Variants in WDR83 observed in about 807,000 individuals in gnomAD.
The protein encoded by WDR83 is WD repeat domain 83.
In WDR83, 37 loss-of-function variants were observed where a neutral mutation model predicts 37.7. The ratio of observed to expected loss-of-function variants is 0.98; its 90% CI spans 0.76 to 1.29. The LOEUF is 1.29. Ranked by LOEUF, WDR83 falls within the 50% of genes most tolerant of loss-of-function variation. The probability of loss-of-function intolerance (pLI) is 0.00; values close to 1 mark genes in which losing one functional copy is unlikely to be tolerated. For missense variants in WDR83, 445 were observed against 414.4 expected, an observed-to-expected ratio of 1.07 and a Z score of -0.64; for synonymous variants, 174 against 181.1, an observed-to-expected ratio of 0.96 and a Z score of 0.31.
chr19:12,673,352 C>T (rs752652712), intron 10 of WDR83, 36 bp downstream of exon 10: 1 of 1,529,116 alleles, frequency 6.5e-7, no homozygotes, highest in East Asian at 2.3e-5. Context: ...TACCTAGATG[C>T]CTGCCCCATC....
chr19:12,668,244 G>A, intron 1 of WDR83: 10 of 1,114,670 alleles, frequency 9.0e-6, no homozygotes, highest in Admixed American at 6.8e-5. Context: ...TGGGGGCACC[G>A]AGACGGCCTC....
At chr19:12,673,379 C>G in intron 10 of WDR83, 63 bp downstream of exon 10, 2 of 1,107,146 alleles carry the variant, frequency 1.8e-6, no homozygotes, top group Non-Finnish European at 2.8e-6. Flanking sequence ...CTGTCCTTAC[C>G]TCAGTCACTC....
In WDR83 at chr19:12,675,701, G is replaced by T. The variant is rs765878589; in HGVS notation, c.*29G>T. 1.7e-5 allele frequency: 27 copies of T among 1,596,212 alleles called. No individual in the cohort carries two copies. Among genetic ancestry groups the T allele is most frequent in the South Asian group, 2.2e-5 (2 of 90,454 alleles). ...CAGGGGACCCACCAACAGGACCAAG[G>T]ACCGAGACACAGACATGGAAGGACT... On this transcript the variant is annotated 3_prime_UTR_variant, in exon 11 of 11. Coordinates refer to ENST00000418543, the MANE Select transcript of WDR83 (RefSeq NM_001099737.3).
rs772811994 is a variant in WDR83 at position 12,675,771 on chromosome 19, G to A, written c.*99G>A. On this transcript the variant is annotated 3_prime_UTR_variant, in exon 11 of 11. Coordinates refer to ENST00000418543, the MANE Select transcript of WDR83 (RefSeq NM_001099737.3). ...AGAGACGTAGCTGACCAAAAAGTAG[G>A]GGAGGGGCTGGGTCTGCAAATTAAT... The A allele has an allele frequency of 1.1e-5, 18 of 1,565,636 alleles. No homozygotes were observed. The highest frequency in any genetic ancestry group is 3.4e-4 in the Middle Eastern group (2 of 5,860).
At position 12,669,752 on chromosome 19, in the gene WDR83, C is replaced by G. The variant is rs1049966565; in HGVS notation, c.-36-3C>G. On this transcript the variant is annotated splice_polypyrimidine_tract_variant and splice_region_variant and intron_variant, in intron 2 of 10. Coordinates refer to ENST00000418543, the MANE Select transcript of WDR83 (RefSeq NM_001099737.3). The stretch of plus-strand genomic sequence containing the variant: ...TTTCTAAGGCGCGGAATTTTCCGTA[C>G]AGACCGATTTAAGGCTGCAAGGAAG... 5 of 1,545,428 alleles carry G rather than the reference C, an allele frequency of 3.2e-6. No individual in the cohort carries two copies. In the African/African-American group the frequency reaches 6.9e-5, roughly 21 times the overall value.
At chr19:12,673,181 C>A in intron 9 of WDR83, 21 bp from the exon 10 acceptor site, 1 of 1,613,860 alleles carries the variant, frequency 6.2e-7, no homozygotes, top group Admixed American at 1.7e-5. Context: ...GACCAAGCCC[C>A]CCGATCCTGT....
chr19:12,673,521 G>T (rs142576345), intron 10 of WDR83, among the ~76,000 whole-genome samples: 1 of 148,490 alleles, frequency 6.7e-6, no homozygotes, highest in African/African-American at 2.5e-5. Context: ...AAGTTCAAGC[G>T]ATTCTCCTGC....
At chr19:12,672,536 A>G (rs1288305335) in intron 7 of WDR83, 1 of 366,740 alleles carries the variant, frequency 2.7e-6, no homozygotes, top group Admixed American at 3.9e-5. Context: ...TGAACCCGGG[A>G]GGCAGAGGTT....
chr19:12,674,191 G>A (rs1484184061), intron 10 of WDR83, among the ~76,000 whole-genome samples: 1 of 152,242 alleles, frequency 6.6e-6, no homozygotes. Flanking sequence ...TGGGCAAGGG[G>A]GAGCCGACGG....
At chr19:12,675,418 T>G in intron 10 of WDR83, 105 bp from the exon 11 acceptor site, 14 of 1,472,002 alleles carry the variant, frequency 9.5e-6, no homozygotes, top group Admixed American at 2.2e-5. Flanking sequence ...CGGGGAGAGG[T>G]GACTGAGGGC....
intron 5 of WDR83, 131 bp from the exon 6 acceptor site, chr19:12,670,432 A>G: frequency 7.3e-6 from 11 of 1,514,090 alleles, no homozygotes; most frequent in Non-Finnish European, 1.0e-5. Context: ...GCAGTCACCA[A>G]CCCCTGTCCT....
intron 1 of WDR83, 169 bp from the exon 2 acceptor site, chr19:12,668,339 G>A (rs1334277483): frequency 6.2e-7 from 1 of 1,604,952 alleles, no homozygotes; most frequent in Admixed American, 1.7e-5. Flanking sequence ...GGTCCAAAAT[G>A]TGACCCTTCT....
At chr19:12,674,455 C>A (rs1285149713) in intron 10 of WDR83, among the ~76,000 whole-genome samples, 1 of 151,876 alleles carries the variant, frequency 6.6e-6, no homozygotes, top group African/African-American at 2.4e-5. Flanking sequence ...ACCGGGGGGG[C>A]CCTGAAGACT....
intron 2 of WDR83, chr19:12,669,458 C>A (rs376989048): frequency 5.6e-5 from 87 of 1,557,258 alleles, no homozygotes; most frequent in South Asian, 4.4e-4. Flanking sequence ...CAGCTTCCGG[C>A]GTGCAAGCTG....
chr19:12,674,131 G>A (rs1009809345), intron 10 of WDR83, among the ~76,000 whole-genome samples: 35 of 152,190 alleles, frequency 2.3e-4, no homozygotes, highest in African/African-American at 7.7e-4. Context: ...GGCAAGATCC[G>A]GGGTCAGGCT....
At chr19:12,668,396 T>C in intron 1 of WDR83, 112 bp from the exon 2 acceptor site, 1 of 1,613,648 alleles carries the variant, frequency 6.2e-7, no homozygotes, top group Non-Finnish European at 8.5e-7. Context: ...ATTCTGCAGA[T>C]AGGACATCAC....
At chr19:12,669,653 AAATG>A in intron 2 of WDR83, 98 bp from the exon 3 acceptor site, 3 of 1,056,034 alleles carry the variant, frequency 2.8e-6, no homozygotes, top group Non-Finnish European at 2.7e-6. Context: ...CGAAATGCCA[AAATG>A]ATGAACCCGG....
At chr19:12,672,951 A>C in intron 8 of WDR83, 37 bp downstream of exon 8, 1 of 1,595,530 alleles carries the variant, frequency 6.3e-7, no homozygotes, top group Non-Finnish European at 8.5e-7. Context: ...GGCAGGGAAG[A>C]TGGGGGGCCA....
Position 12,670,067 on chromosome 19 carries a change from G to C in WDR83, c.194G>C (p.Gly65Ala). 6.2e-7 allele frequency: 1 copy of C among 1,612,608 alleles called. No homozygotes were observed. The change falls in exon 4 of 11, where the codon GGC (glycine) becomes GCC (alanine). Residue 65 changes from glycine to alanine, a missense_variant. Physicochemically the swap from Gly to Ala is moderately conservative, Grantham distance 60 (BLOSUM62 0). Transcript: ENST00000418543. ...LRGTLLRTYS[G>A]HGYEVLDAAG... is the part of the protein sequence containing the mutation. ...GGGACGCTGCTGCGGACGTACAGCG[G>C]CCACGGCTACGAGGTGCTGGATGCG...
Sources: allele counts gnomAD v4.1 joint callset (sites outside exome capture counted in the v4.1 genomes callset), GRCh38; gene constraint gnomAD v4.1.1; transcripts MANE v1.5; gene names NCBI Gene and HGNC (gene_info 2026-07-23, HGNC 2026-07-21).